Variants in KDM3A observed in about 807,000 individuals in gnomAD.
The protein encoded by KDM3A is lysine-specific demethylase 3A.
In KDM3A, 60 loss-of-function variants were observed where a neutral mutation model predicts 158.0. That is an observed-to-expected ratio of 0.38 (90% CI 0.31 to 0.47). The LOEUF (loss-of-function observed/expected upper bound fraction) is 0.47. Ranked by LOEUF, KDM3A falls within the 20% of genes least tolerant of loss-of-function variation. KDM3A has a pLI of 0.99. For missense variants in KDM3A, 1,319 were observed against 1,574.3 expected (o/e 0.84, Z 2.74); for synonymous variants, 608 against 549.3 (o/e 1.11, Z -1.49).
intron 16 of KDM3A, among the ~76,000 whole-genome samples, chr2:86,481,489 T>C (rs1673924101): frequency 6.6e-6 from 1 of 151,866 alleles, no homozygotes; most frequent in Admixed American, 6.6e-5. Context: ...TTTTGTTTGT[T>C]TGGTTTTGTT....
chr2:86,465,953 AAAAAG>A (rs1340980298), intron 9 of KDM3A, among the ~76,000 whole-genome samples: 4 of 151,500 alleles, frequency 2.6e-5, no homozygotes, highest in Non-Finnish European at 5.9e-5. Context: ...AAAAAAAAAA[AAAAAG>A]AAGAAAGAAA....
chr2:86,454,382 G>A (rs756645386), intron 4 of KDM3A, among the ~76,000 whole-genome samples: 1 of 152,126 alleles, frequency 6.6e-6, no homozygotes, highest in Non-Finnish European at 1.5e-5. Context: ...ACAGCCATGG[G>A]TTTACTAATG....
chr2:86,440,863 C>G (rs572938254), upstream of KDM3A: 1 of 152,414 alleles, frequency 6.6e-6, no homozygotes, highest in Non-Finnish European at 1.5e-5. Flanking sequence ...CTGCCCTCCC[C>G]CGCTAACCCT....
intron 2 of KDM3A, among the ~76,000 whole-genome samples, chr2:86,444,851 C>T (rs1191687525): frequency 2.0e-5 from 3 of 152,112 alleles, no homozygotes; most frequent in South Asian, 2.1e-4. Flanking sequence ...AAACCACTTA[C>T]TTAGATGACA....
Position 86,457,057 on chromosome 2 carries a change from A to G in KDM3A, c.829A>G (p.Lys277Glu), listed in dbSNP as rs1440469322. The change falls in exon 8 of 26, where the codon AAA (lysine) becomes GAA (glutamate). Residue 277 changes from lysine to glutamate, a missense_variant. By Grantham distance (56) the Lys-to-Glu change is moderately conservative. Around this residue, in one of 4 missense-constraint regions of KDM3A, gnomAD observed 652 missense variants for 627.2 expected, o/e 1.04. Coordinates refer to ENST00000312912, the MANE Select transcript of KDM3A (RefSeq NM_018433.6). ...TGGAACCCTGGTTTCCAAACAAGCA[A>G]AATCTTGCTCTGAGGTAACCTTTAT... is the stretch of plus-strand genomic sequence containing the variant. ...NNGTLVSKQA[K>E]SCSEASPSMC... 6.3e-7 allele frequency: 1 copy of G among 1,588,544 alleles called. No homozygotes were observed. The highest frequency in any genetic ancestry group is 1.7e-5 in the Admixed American group (1 of 58,478).
chr2:86,441,040 T>G (rs999827834), upstream of KDM3A: 2 of 152,266 alleles, frequency 1.3e-5, no homozygotes, highest in African/African-American at 4.8e-5. Context: ...GCCCCAAAGT[T>G]GATAACCGAT....
chr2:86,488,980 T>G, intron 21 of KDM3A: 1 of 225,326 alleles, frequency 4.4e-6, no homozygotes, highest in Non-Finnish European at 8.8e-6. Flanking sequence ...CCATCTCGAG[T>G]GGTCCTTGGG....
chr2:86,485,913 G>A, intron 21 of KDM3A, 54 bp downstream of exon 21: 1 of 1,575,510 alleles, frequency 6.3e-7, no homozygotes, highest in Non-Finnish European at 8.7e-7. Context: ...CAAAATGTTT[G>A]GAAAATTGAT....
intron 16 of KDM3A, among the ~76,000 whole-genome samples, chr2:86,481,072 C>T (rs1673901184): frequency 6.6e-6 from 1 of 152,116 alleles, no homozygotes. Context: ...TACAGTCTGA[C>T]ATTCAAAAAT....
chr2:86,458,829 G>T, intron 8 of KDM3A, among the ~76,000 whole-genome samples: 1 of 152,114 alleles, frequency 6.6e-6, no homozygotes, highest in South Asian at 2.1e-4. Context: ...GGTGTTCAGG[G>T]GTTTTAAGTT....
chr2:86,482,439 T>C lies in KDM3A; in HGVS notation c.2686-19T>C, dbSNP rs1373802994. ...AAGGGAATGACATATTTGAGACTTT[T>C]GTTCTTTCTCCAATTCAGACAGAAA... On this transcript the variant is annotated intron_variant, in intron 17 of 25. Transcript: ENST00000312912. 4 of 1,610,192 alleles carry C rather than the reference T, an allele frequency of 2.5e-6. No individual in the cohort carries two copies. The highest frequency in any genetic ancestry group is 3.4e-5 in the Admixed American group (2 of 59,120).
chr2:86,455,076 A>G lies in KDM3A; in HGVS notation c.454-9A>G. 6.7e-7 allele frequency: 1 copy of G among 1,500,398 alleles called. No homozygotes were observed. The highest frequency in any genetic ancestry group is 1.2e-5 in the South Asian group (1 of 83,844). The allele number at this position is 1,500,398 out of a possible 1,614,324, so 92.9% of individuals were successfully genotyped here. The stretch of plus-strand genomic sequence containing the variant: ...TACCCTTAACATGTAATGATCTTTC[A>G]TTTTTCAGGATGTAAACAGTCTTCG... On this transcript the variant is annotated splice_polypyrimidine_tract_variant and intron_variant, in intron 4 of 25. Transcript: ENST00000312912.
At chr2:86,458,309 C>G (rs1672790352) in intron 8 of KDM3A, among the ~76,000 whole-genome samples, 1 of 152,210 alleles carries the variant, frequency 6.6e-6, no homozygotes, top group African/African-American at 2.4e-5. Context: ...TCACCAAAAG[C>G]TTTGTAAACC....
chr2:86,460,788 A>G (rs1672892362), intron 8 of KDM3A: 2 of 152,164 alleles, frequency 1.3e-5, no homozygotes, highest in African/African-American at 2.4e-5. Context: ...GGGAGGAACT[A>G]TTGCCATGAC....
intron 12 of KDM3A, among the ~76,000 whole-genome samples, chr2:86,476,118 A>G (rs1315298094): frequency 2.6e-5 from 4 of 152,238 alleles, no homozygotes; most frequent in African/African-American, 9.6e-5. Context: ...GACAAGCAAT[A>G]TTAGTTTTCC....
intron 8 of KDM3A, among the ~76,000 whole-genome samples, chr2:86,461,288 C>A (rs1044448387): frequency 6.6e-6 from 1 of 152,076 alleles, no homozygotes; most frequent in Non-Finnish European, 1.5e-5. Flanking sequence ...TCCTTTCTTC[C>A]CTCCTTCCCT....
At position 86,492,314 on chromosome 2, in the gene KDM3A, T is replaced by C. The variant is rs1331610707; in HGVS notation, c.*195T>C. 2.0e-6 allele frequency: 1 copy of C among 510,308 alleles called. No homozygotes were observed. Among genetic ancestry groups the C allele is most frequent in the East Asian group, 3.1e-5 (1 of 32,442 alleles). 31.6% of individuals were successfully genotyped at this position (510,308 alleles called of 1,614,324 possible). A position where few individuals can be genotyped will look rare whatever the true frequency, so the allele number is the denominator to read the frequency against. ...ATATGTAGTAACTATTTACAGAACA[T>C]GCATCCTTAAACTGTGACTTCTCAC... On this transcript the variant is annotated 3_prime_UTR_variant, in exon 26 of 26. Transcript: ENST00000312912.
At chr2:86,486,379 G>C (rs1674181940) in intron 21 of KDM3A, among the ~76,000 whole-genome samples, 1 of 152,066 alleles carries the variant, frequency 6.6e-6, no homozygotes, top group Non-Finnish European at 1.5e-5. Flanking sequence ...AGGATGCCTG[G>C]GATAAAGATT....
intron 6 of KDM3A, 38 bp downstream of exon 6, chr2:86,456,604 A>G (rs760146483): frequency 1.3e-5 from 20 of 1,572,162 alleles, no homozygotes; most frequent in Non-Finnish European, 1.4e-5. Context: ...ATAACTCGAC[A>G]AAGCATGATA....
Sources: gnomAD v4.1 joint callset for allele counts (sites outside exome capture counted in the v4.1 genomes callset) on GRCh38, gnomAD v4.1.1 for gene constraint, gnomAD v4.1.1 regional missense constraint, MANE v1.5 for transcripts, NCBI Gene and HGNC (gene_info 2026-07-23, HGNC 2026-07-21) for gene names.